Variants in NEDD9 observed in about 807,000 individuals in gnomAD.
The protein encoded by NEDD9 is enhancer of filamentation 1.
Under a neutral mutation model 76.6 loss-of-function variants are expected in NEDD9, and 26 were observed. The ratio of observed to expected loss-of-function variants is 0.34; its 90% CI spans 0.25 to 0.47. The LOEUF is 0.47. Ranked by LOEUF, NEDD9 falls within the 20% of genes least tolerant of loss-of-function variation. The probability of loss-of-function intolerance (pLI) is 1.00; values close to 1 mark genes in which losing one functional copy is unlikely to be tolerated. For missense variants in NEDD9, 937 were observed against 1,058.5 expected (o/e 0.89, Z 1.59); for synonymous variants, 392 against 414.2 (o/e 0.95, Z 0.65).
At chr6:11,272,811 G>T (rs1314322052) in intron 3 of NEDD9, among the ~76,000 whole-genome samples, 2 of 152,154 alleles carry the variant, frequency 1.3e-5, no homozygotes, top group African/African-American at 4.8e-5. Context: ...GCTTCATCCT[G>T]GTCACACTTC....
rs1757941503 is a variant in NEDD9, at chr6:11,185,081, A to G, written c.*81T>C. The G allele has an allele frequency of 7.0e-7, 1 of 1,430,262 alleles. No individual in the cohort carries two copies. The highest frequency in any genetic ancestry group is 2.3e-5 in the Admixed American group (1 of 43,830). The allele number at this position is 1,430,262 out of a possible 1,614,324, so 88.6% of individuals were successfully genotyped here. ...TTATATAAAATATCTACAAAAATAG[A>G]TAACATTTACAAAAACCAGACAGTA... On this transcript the variant is annotated 3_prime_UTR_variant, in exon 7 of 7. Transcript: ENST00000379446.
chr6:11,357,605 A>C (rs1179802941), intron 1 of NEDD9, among the ~76,000 whole-genome samples: 1 of 152,224 alleles, frequency 6.6e-6, no homozygotes, highest in Non-Finnish European at 1.5e-5. Context: ...CAGAAACAAC[A>C]CCCAGAAAAT....
chr6:11,200,944 TA>T, intron 2 of NEDD9: 1 of 1,614,184 alleles, frequency 6.2e-7, no homozygotes, highest in Non-Finnish European at 8.5e-7. Context: ...GACACTTTAT[TA>T]AAATGCTCAT....
chr6:11,262,291 T>G (rs988460633), intron 3 of NEDD9, among the ~76,000 whole-genome samples: 1 of 152,194 alleles, frequency 6.6e-6, no homozygotes, highest in Non-Finnish European at 1.5e-5. Context: ...CTTTAAAGAC[T>G]TACTTTCTCG....
At chr6:11,236,203 A>G (rs1240076600), upstream of NEDD9, among the ~76,000 whole-genome samples, 5 of 151,972 alleles carry the variant, frequency 3.3e-5, no homozygotes, top group Non-Finnish European at 5.9e-5. This position sits in a 1 kb window ranked among gnomAD's most constrained non-coding sequence, Gnocchi z 5.5. Flanking sequence ...TCCCATAGAG[A>G]CCCTCCTGAA....
rs772968446 is a variant in NEDD9 at position 11,232,420 on chromosome 6, C to G, written c.12+84G>C. 5 of 1,530,004 alleles carry G rather than the reference C, an allele frequency of 3.3e-6. No individual in the cohort carries two copies. In the South Asian group the frequency reaches 4.5e-5, roughly 14 times the overall value. The allele number at this position is 1,530,004 out of a possible 1,614,324, so 94.8% of individuals were successfully genotyped here. A position where few individuals can be genotyped will look rare whatever the true frequency, so the allele number is the denominator to read the frequency against. On this transcript the variant is annotated intron_variant, in intron 1 of 6. Coordinates refer to ENST00000379446, the MANE Select transcript of NEDD9 (RefSeq NM_006403.4). ...CTCTCCGGGACACACAAGGGACTGA[C>G]AGTAAGGAACACGCATACACAAGCA...
intron 1 of NEDD9, among the ~76,000 whole-genome samples, chr6:11,380,473 T>C (rs898178936): frequency 2.0e-5 from 3 of 152,192 alleles, no homozygotes; most frequent in African/African-American, 7.2e-5. Flanking sequence ...TTTCTGGGAA[T>C]TTTCGTCTGC....
chr6:11,260,399 G>A (rs1242510067), intron 3 of NEDD9, among the ~76,000 whole-genome samples: 1 of 152,170 alleles, frequency 6.6e-6, no homozygotes, highest in Non-Finnish European at 1.5e-5. Flanking sequence ...TCACATTAGG[G>A]TGTGTGCCTT....
rs112584586 is a variant in NEDD9, at chr6:11,213,234, GA to G, written c.459+46del. 177 of 1,482,916 alleles carry G rather than the reference GA, an allele frequency of 1.2e-4. No homozygotes were observed. Among genetic ancestry groups the G allele is most frequent in the South Asian group, 2.4e-4 (18 of 75,762 alleles). The allele number at this position is 1,482,916 out of a possible 1,614,324, so 91.9% of individuals were successfully genotyped here. A position where few individuals can be genotyped will look rare whatever the true frequency, so the allele number is the denominator to read the frequency against. Reference sequence around the variant, plus strand: ...TTTCCAAATGCTCCAAGTGTAATGGGAAAAAAAAATAAGTAGGAACAAAAAT... The same window carrying G: ...TTTCCAAATGCTCCAAGTGTAATGGGAAAAAAAATAAGTAGGAACAAAAAT... On this transcript the variant is annotated intron_variant, in intron 2 of 6. Coordinates refer to ENST00000379446, the MANE Select transcript of NEDD9 (RefSeq NM_006403.4). This position sits in a 1 kb window ranked among gnomAD's most constrained non-coding sequence, Gnocchi z 5.4.
In NEDD9 at chr6:11,191,126, C is replaced by A. The variant is rs1758133350; in HGVS notation, c.743G>T (p.Arg248Ile). The change falls in exon 5 of 7, where the codon AGA becomes ATA. Residue 248 changes from arginine (R) to isoleucine (I), a missense_variant. By Grantham distance (97) the Arg-to-Ile change is moderately conservative. Transcript: ENST00000379446. ...TCTGAGGTCCGGCCTTCCAGCTTGT[C>A]TCATGGGAGGGGGGAAGTCATAGTC... ...EKDYDFPPPM[R>I]QAGRPDLRPE... 1 of 1,613,842 alleles carries A rather than the reference C, an allele frequency of 6.2e-7. No homozygotes were observed. Among genetic ancestry groups the A allele is most frequent in the South Asian group, 1.1e-5 (1 of 91,080 alleles).
At chr6:11,206,803 G>T (rs963907950) in intron 2 of NEDD9, among the ~76,000 whole-genome samples, 1 of 25,794 alleles carries the variant, frequency 3.9e-5, no homozygotes, top group African/African-American at 1.8e-4. Context: ...ACTTGTCTGA[G>T]AAAAGATAAC....
intron 3 of NEDD9, among the ~76,000 whole-genome samples, chr6:11,278,767 A>G (rs530462919): frequency 2.0e-5 from 3 of 152,300 alleles, no homozygotes; most frequent in Admixed American, 6.5e-5. Context: ...AATTCTGGAG[A>G]TGGGACCCAG....
intron 3 of NEDD9, among the ~76,000 whole-genome samples, chr6:11,243,637 C>T (rs79666600): frequency 0.021 from 3,153 of 152,324 alleles, 60 homozygotes; most frequent in Non-Finnish European, 0.028. Context: ...CCTTCGGTTT[C>T]CAAAGCAGTG....
chr6:11,237,115 A>G (rs1759619486), upstream of NEDD9, among the ~76,000 whole-genome samples: 1 of 151,706 alleles, frequency 6.6e-6, no homozygotes, highest in Non-Finnish European at 1.5e-5. This position sits in a 1 kb window ranked among gnomAD's most constrained non-coding sequence, Gnocchi z 4.9. Flanking sequence ...CACCCTGCCC[A>G]CCTCGCCCTT....
intron 1 of NEDD9, among the ~76,000 whole-genome samples, chr6:11,215,412 T>C (rs560985491): frequency 6.6e-6 from 1 of 152,296 alleles, no homozygotes; most frequent in Admixed American, 6.5e-5. Context: ...CTGGGTTTCA[T>C]CTAACAATGA....
intron 1 of NEDD9, among the ~76,000 whole-genome samples, chr6:11,372,071 G>A (rs1369148868): frequency 6.6e-6 from 1 of 151,952 alleles, no homozygotes; most frequent in Non-Finnish European, 1.5e-5. Flanking sequence ...CAAATACTAG[G>A]TCTTACTCAT....
At chr6:11,331,238 G>T (rs763192920) in intron 2 of NEDD9, among the ~76,000 whole-genome samples, 1 of 152,114 alleles carries the variant, frequency 6.6e-6, no homozygotes, top group Non-Finnish European at 1.5e-5. Flanking sequence ...GGGAACTGCG[G>T]TATAAGAATT....
At chr6:11,249,129 G>A (rs1347067428) in intron 3 of NEDD9, 2 of 455,834 alleles carry the variant, frequency 4.4e-6, no homozygotes, top group Admixed American at 2.4e-5. Context: ...TTTTTTGGGA[G>A]GAGACTTACA....
At position 11,213,859 on chromosome 6, in the gene NEDD9, A is replaced by G. The variant is rs9368612; in HGVS notation, c.13-132T>C. 1 of 783,244 alleles carries G rather than the reference A, an allele frequency of 1.3e-6. No homozygotes were observed. The highest frequency in any genetic ancestry group is 2.0e-6 in the Non-Finnish European group (1 of 497,608). The allele number at this position is 783,244 out of a possible 1,614,324, so 48.5% of individuals were successfully genotyped here. On this transcript the variant is annotated intron_variant, in intron 1 of 6. Coordinates refer to ENST00000379446, the MANE Select transcript of NEDD9 (RefSeq NM_006403.4). This position sits in a 1 kb window ranked among gnomAD's most constrained non-coding sequence, Gnocchi z 5.4. ...AGCATAAATCTGAACAATAGACTGT[A>G]AGGAGAAAAACAGATGGTGCAGACA...
Sources: allele counts gnomAD v4.1 joint callset (sites outside exome capture counted in the v4.1 genomes callset), GRCh38; gene constraint gnomAD v4.1.1; non-coding constraint Gnocchi (gnomAD v3.1); transcripts MANE v1.5; gene names NCBI Gene and HGNC (gene_info 2026-07-23, HGNC 2026-07-21).